Variants in ABCA9 observed in about 807,000 individuals in gnomAD.
The protein encoded by ABCA9 is ATP-binding cassette sub-family A member 9.
ABCA9 carries 183 observed loss-of-function variants against 205.3 expected under a neutral mutation model. That is an observed-to-expected ratio of 0.89 (90% CI 0.79 to 1.01). The LOEUF (loss-of-function observed/expected upper bound fraction) is 1.01. ABCA9 is among the 50% of genes least tolerant of loss of function. The pLI, the probability that ABCA9 is intolerant of heterozygous loss-of-function variation, is 0.00. For synonymous variants in ABCA9, 651 were observed against 683.3 expected (o/e 0.95, Z 0.74); for missense variants, 1,805 against 1,912.4 (o/e 0.94, Z 1.05).
At chr17:69,078,876 T>C in the ABCA9 span, 1 of 696,192 alleles carries the variant, frequency 1.4e-6, no homozygotes, top group Non-Finnish European at 2.2e-6. Flanking sequence ...ATACCTGATG[T>C]TAATTTTAAA....
chr17:69,031,824 CAA>C (rs945111006), intron 10 of ABCA9, among the ~76,000 whole-genome samples: 1 of 152,010 alleles, frequency 6.6e-6, no homozygotes, highest in African/African-American at 2.4e-5. Flanking sequence ...GAGAAAAACA[CAA>C]AGAGGAGAAA....
rs373816003 is a variant in ABCA9 at position 69,059,213 on chromosome 17, G to T, written c.-14+1653C>A. On this transcript the variant is annotated intron_variant, in intron 1 of 38. Coordinates refer to ENST00000340001, the MANE Select transcript of ABCA9 (RefSeq NM_080283.4). Reference sequence around the variant, plus strand: ...GCATAGTTGAAGAGAAATGTGATTGGCAGAATAATGGTCCCGTTCTAATCC... The same window carrying T: ...GCATAGTTGAAGAGAAATGTGATTGTCAGAATAATGGTCCCGTTCTAATCC... Among the ~76,000 whole-genome samples the T allele has an allele frequency of 3.3e-5, 5 of 152,132 alleles. No individual in the cohort carries two copies. The East Asian group carries it at 9.6e-4, about 29-fold the overall frequency.
rs751181329 is a variant in ABCA9, at chr17:69,021,699, T to TCC, written c.2401+42_2401+43insGG. 8.1e-4 allele frequency: 1,043 copies of TCC among 1,282,462 alleles called. 10 individuals are homozygous for TCC. In the African/African-American group the frequency reaches 0.014, roughly 18 times the overall value. The allele number at this position is 1,282,462 out of a possible 1,614,324, so 79.4% of individuals were successfully genotyped here. On this transcript the variant is annotated intron_variant, in intron 18 of 38. Transcript: ENST00000340001. ...TTTCGTCCTTCCTTCCTTCCTTCCT[T>TCC]TCTTTCTTTCTCCCTTTCTTTCTCT...
chr17:69,029,177 G>T lies in ABCA9; in HGVS notation c.1496C>A (p.Ala499Asp). The T allele has an allele frequency of 1.3e-6, 2 of 1,548,020 alleles. No homozygotes were observed. The highest frequency in any genetic ancestry group is 1.8e-6 in the Non-Finnish European group (2 of 1,134,918). Reference sequence around the variant, plus strand: ...AAATATTATTTTATTACCTTTCAAAGCTTCTACTCTCTCACACTTCCCTGC... The same window carrying T: ...AAATATTATTTTATTACCTTTCAAATCTTCTACTCTCTCACACTTCCCTGC... The part of the protein sequence containing the change: ...EYAGKCERVE[A>D]LKGVVFDIYE... The change falls in exon 11 of 39, where the codon GCT (alanine) becomes GAT (aspartate). Residue 499 changes from alanine (A) to aspartate (D), a missense_variant. By Grantham distance (126) the Ala-to-Asp change is moderately radical. Transcript: ENST00000340001.
the ABCA9 span, among the ~76,000 whole-genome samples, chr17:69,069,311 A>C: frequency 6.6e-6 from 1 of 152,184 alleles, no homozygotes. Context: ...CATAAATGGT[A>C]ATTTTGATGA....
Position 69,017,045 on chromosome 17 carries a change from C to T in ABCA9, c.2901+611G>A, listed in dbSNP as rs554245767. Among the ~76,000 whole-genome samples, 4 of 152,136 alleles carry T rather than the reference C, an allele frequency of 2.6e-5. No homozygotes were observed. In the South Asian group the frequency reaches 8.3e-4, roughly 32 times the overall value. ...TTGATGTTAAAACTATTTTACTGAG[C>T]ATACTGAAAAATAAACTTAAGATAT... is the stretch of plus-strand genomic sequence containing the variant. On this transcript the variant is annotated intron_variant, in intron 21 of 38. Transcript: ENST00000340001.
Position 69,044,505 on chromosome 17 carries a change from T to C in ABCA9, c.565A>G (p.Ile189Val), listed in dbSNP as rs778090046. 3 of 1,612,832 alleles carry C rather than the reference T, an allele frequency of 1.9e-6. No individual in the cohort carries two copies. The highest frequency in any genetic ancestry group is 1.7e-6 in the Non-Finnish European group (2 of 1,179,278). The change falls in exon 5 of 39, where the codon ATC (isoleucine) becomes GTC (valine). Residue 189 changes from isoleucine to valine, a missense_variant. Coordinates refer to ENST00000340001, the MANE Select transcript of ABCA9 (RefSeq NM_080283.4). The stretch of plus-strand genomic sequence containing the variant: ...TTTAACTTTATACTCACTTCTATGA[T>C]AGCAGCATTAATGGCAGCTTGAAAA... Reference protein sequence around the residue: ...VAFQAAINAAIIEIATNHSVM... With the variant: ...VAFQAAINAAVIEIATNHSVM...
intron 23 of ABCA9, among the ~76,000 whole-genome samples, chr17:69,010,800 G>GAGAT (rs927144049): frequency 7.9e-5 from 12 of 152,150 alleles, no homozygotes; most frequent in African/African-American, 1.2e-4. Flanking sequence ...TTAAATAAAG[G>GAGAT]AGATAAAGAG....
In ABCA9 at chr17:68,982,569, T is replaced by C; in HGVS notation, c.4713A>G (p.Leu1571=). ...CTAAACAGTCACTCTTACCTATCTC[T>C]AATTTGAAGAAAGCCTGTGATAAAG... ...VRPLSQAFFK[L]EIVKQSFDLE... The change falls in exon 37 of 39, where the codon TTA becomes TTG. Residue 1571 remains leucine (L), a synonymous_variant. Transcript: ENST00000340001. The C allele has an allele frequency of 6.2e-7, 1 of 1,613,332 alleles. No individual in the cohort carries two copies. Among genetic ancestry groups the C allele is most frequent in the Admixed American group, 1.7e-5 (1 of 60,014 alleles).
At position 68,980,287 on chromosome 17, in the gene ABCA9, A is replaced by C. The variant is rs560339465; in HGVS notation, c.4720+2275T>G. 9.1e-3 allele frequency among the ~76,000 whole-genome samples: 1,383 copies of C among 152,238 alleles called. 12 individuals are homozygous for C. Among genetic ancestry groups the C allele is most frequent in the Middle Eastern group, 0.051 (15 of 294 alleles). ...GATCATTAAAAAGTCAGGAAACAAC[A>C]GGTGCTGGAGAGGATGTGGAGAAAC... On this transcript the variant is annotated intron_variant, in intron 37 of 38. Coordinates refer to ENST00000340001, the MANE Select transcript of ABCA9 (RefSeq NM_080283.4).
At chr17:69,015,720 T>A (rs1018724374) in intron 22 of ABCA9, among the ~76,000 whole-genome samples, 2 of 152,130 alleles carry the variant, frequency 1.3e-5, no homozygotes, top group Non-Finnish European at 2.9e-5. Context: ...ATTTACTTCT[T>A]AAGAAACTTT....
rs1330141031 is a variant in ABCA9, at chr17:69,026,878, T to C, written c.2050+98A>G. ...AGCAAAATTCTCCTGTCTTGGGCCA[T>C]GGCAGTTCCAGGGAGACACAGCTGT... is the stretch of plus-strand genomic sequence containing the variant. On this transcript the variant is annotated intron_variant, in intron 15 of 38. Coordinates refer to ENST00000340001, the MANE Select transcript of ABCA9 (RefSeq NM_080283.4). 3 of 1,434,968 alleles carry C rather than the reference T, an allele frequency of 2.1e-6. No individual in the cohort carries two copies. In the African/African-American group the frequency reaches 4.3e-5, roughly 20 times the overall value. The allele number at this position is 1,434,968 out of a possible 1,614,324, so 88.9% of individuals were successfully genotyped here.
At chr17:69,065,520 C>T (rs1025825089), upstream of ABCA9, among the ~76,000 whole-genome samples, 2 of 152,080 alleles carry the variant, frequency 1.3e-5, no homozygotes, top group African/African-American at 4.8e-5. Context: ...TCTTCCCTTG[C>T]CTTGTCTCCT....
intron 6 of ABCA9, among the ~76,000 whole-genome samples, chr17:69,041,316 A>T (rs1025565023): frequency 6.6e-6 from 1 of 152,134 alleles, no homozygotes; most frequent in African/African-American, 2.4e-5. Context: ...TTCTTATGAG[A>T]GGAAAAAAAA....
Position 68,992,232 on chromosome 17 carries a change from A to G in ABCA9, c.3659T>C (p.Leu1220Pro). 1 of 1,599,022 alleles carries G rather than the reference A, an allele frequency of 6.3e-7. No individual in the cohort carries two copies. Among genetic ancestry groups the G allele is most frequent in the East Asian group, 2.2e-5 (1 of 44,584 alleles). The change falls in exon 28 of 39, where the codon CTG (leucine) becomes CCG (proline). Residue 1220 changes from leucine (L) to proline (P), a missense_variant. Transcript: ENST00000340001. ...CCTGCAGTTCATTTCTAGGCATCGCAGAATGAAAAGAAAAATGAGAAAATG... is the reference window on the plus strand; with the variant it reads ...CCTGCAGTTCATTTCTAGGCATCGCGGAATGAAAAGAAAAATGAGAAAATG... ...YLHFLIFLFI[L>P]RCLEMNCRKK...
At chr17:68,989,487 C>T (rs1344442833) in intron 30 of ABCA9, among the ~76,000 whole-genome samples, 1 of 152,170 alleles carries the variant, frequency 6.6e-6, no homozygotes, top group Non-Finnish European at 1.5e-5. Context: ...GGAGAAAGCA[C>T]TGTTATGCCT....
At chr17:68,990,265 T>C (rs2069405173) in intron 29 of ABCA9, among the ~76,000 whole-genome samples, 1 of 152,240 alleles carries the variant, frequency 6.6e-6, no homozygotes, top group Admixed American at 6.5e-5. Flanking sequence ...GCAGTAAGCT[T>C]CACTTTGGTT....
intron 23 of ABCA9, among the ~76,000 whole-genome samples, chr17:69,009,402 C>A (rs936898617): frequency 6.6e-6 from 1 of 151,344 alleles, no homozygotes; most frequent in Non-Finnish European, 1.5e-5. Flanking sequence ...GAGAGAAGAC[C>A]CTTCCGTGGA....
intron 1 of ABCA9, among the ~76,000 whole-genome samples, chr17:69,055,175 A>G (rs986660510): frequency 6.6e-6 from 1 of 152,200 alleles, no homozygotes; most frequent in Non-Finnish European, 1.5e-5. Context: ...TTGATCATCA[A>G]TGGTCTAAAT....
Sources: allele counts gnomAD v4.1 joint callset (sites outside exome capture counted in the v4.1 genomes callset), GRCh38; gene constraint gnomAD v4.1.1; transcripts MANE v1.5; gene names NCBI Gene and HGNC (gene_info 2026-07-23, HGNC 2026-07-21).